MAP4K3: variants seen among roughly 807,000 people sequenced by gnomAD.
The protein encoded by MAP4K3 is MAPK/ERK kinase kinase kinase 3.
MAP4K3 carries 94 observed loss-of-function variants against 143.5 expected under a neutral mutation model. That is an observed-to-expected ratio of 0.65 (90% CI 0.55 to 0.78). The LOEUF (loss-of-function observed/expected upper bound fraction) is 0.78, where lower values mean the gene tolerates loss of function less well. Among genes scored for constraint, MAP4K3 ranks in the 30% least tolerant of loss-of-function variants. MAP4K3 has a pLI of 0.00. For synonymous variants in MAP4K3, 416 were observed against 347.2 expected, an observed-to-expected ratio of 1.20 and a Z score of -2.20; for missense variants, 1,077 against 1,068.1, an observed-to-expected ratio of 1.01 and a Z score of -0.12.
At position 39,291,485 on chromosome 2, in the gene MAP4K3, A is replaced by G. The variant is rs375198521; in HGVS notation, c.1272-1151T>C. Among the ~76,000 whole-genome samples the G allele has an allele frequency of 3.2e-4, 49 of 152,352 alleles. 1 individual carries two copies. In the East Asian group the frequency reaches 3.9e-3, roughly 12 times the overall value. ...AACTTCATTTTTGCTACTGTTAGAT[A>G]TGAAACATCTTTGATGAAGCTCATC... is the stretch of plus-strand genomic sequence containing the variant. On this transcript the variant is annotated intron_variant, in intron 18 of 33. Coordinates refer to ENST00000263881, the MANE Select transcript of MAP4K3 (RefSeq NM_003618.4).
intron 1 of MAP4K3, among the ~76,000 whole-genome samples, chr2:39,411,983 G>A (rs1185359231): frequency 6.6e-6 from 1 of 152,136 alleles, no homozygotes; most frequent in Non-Finnish European, 1.5e-5. Context: ...ATTTTACAAG[G>A]CAAGAAATGA....
intron 26 of MAP4K3, among the ~76,000 whole-genome samples, chr2:39,268,206 A>G (rs1269667589): frequency 3.9e-5 from 6 of 152,222 alleles, no homozygotes; most frequent in African/African-American, 1.4e-4. Flanking sequence ...ACTACAATTT[A>G]AAAACTACAC....
At chr2:39,370,479 C>A (rs559702730) in intron 2 of MAP4K3, among the ~76,000 whole-genome samples, 1 of 152,278 alleles carries the variant, frequency 6.6e-6, no homozygotes, top group African/African-American at 2.4e-5. Flanking sequence ...GAAAGCACCT[C>A]TACTACCTCT....
At chr2:39,321,770 A>G (rs1683315031) in intron 12 of MAP4K3, among the ~76,000 whole-genome samples, 1 of 152,236 alleles carries the variant, frequency 6.6e-6, no homozygotes, top group Admixed American at 6.5e-5. Context: ...TGCGGGCAAC[A>G]ATACTGGTTT....
intron 12 of MAP4K3, chr2:39,323,262 G>C (rs1683377247): frequency 6.6e-6 from 1 of 152,100 alleles, no homozygotes; most frequent in South Asian, 2.1e-4. Flanking sequence ...ACAATGTCTG[G>C]ATAAGAAAGA....
chr2:39,420,425 G>C lies in MAP4K3; in HGVS notation c.96+16467C>G, dbSNP rs76541785. 1.7e-3 allele frequency among the ~76,000 whole-genome samples: 264 copies of C among 151,896 alleles called. 6 individuals carry two copies. In the East Asian group the frequency reaches 0.025, roughly 14 times the overall value. On this transcript the variant is annotated intron_variant, in intron 1 of 33. Coordinates refer to ENST00000263881, the MANE Select transcript of MAP4K3 (RefSeq NM_003618.4). The stretch of plus-strand genomic sequence containing the variant: ...TGAATTCCATATTTTTTTTAATTTT[G>C]TTTTTTGTTTAGAGACAGTCTCACT...
At position 39,374,629 on chromosome 2, in the gene MAP4K3, C is replaced by G. The variant is rs199753390; in HGVS notation, c.154+3437G>C. 1.0e-3 allele frequency among the ~76,000 whole-genome samples: 159 copies of G among 152,092 alleles called. 1 individual carries two copies. In the East Asian group the frequency reaches 0.023, roughly 22 times the overall value. ...CCTGGGAGGCAGAGGTTGCAGTAAG[C>G]TGAGATCGGGCCACTGCACTCCAGC... On this transcript the variant is annotated intron_variant, in intron 2 of 33. Coordinates refer to ENST00000263881, the MANE Select transcript of MAP4K3 (RefSeq NM_003618.4).
intron 1 of MAP4K3, among the ~76,000 whole-genome samples, chr2:39,397,326 A>AT (rs1241909992): frequency 1.3e-5 from 2 of 152,208 alleles, no homozygotes; most frequent in East Asian, 3.8e-4. Flanking sequence ...AAGATCAATA[A>AT]TCTTCATATA....
At chr2:39,355,278 T>C (rs187564679) in intron 3 of MAP4K3, among the ~76,000 whole-genome samples, 2 of 149,206 alleles carry the variant, frequency 1.3e-5, no homozygotes, top group Non-Finnish European at 3.0e-5. Context: ...GGGGAATCAC[T>C]TGAACCCGGG....
At chr2:39,273,159 A>C (rs971374327) in intron 24 of MAP4K3, among the ~76,000 whole-genome samples, 2 of 152,168 alleles carry the variant, frequency 1.3e-5, no homozygotes, top group African/African-American at 4.8e-5. Flanking sequence ...AGAGCAAAGA[A>C]AAAGGAATTT....
chr2:39,369,520 ATAGAGCATACTACTC>A (rs2148569799), intron 2 of MAP4K3, among the ~76,000 whole-genome samples: 1 of 152,264 alleles, frequency 6.6e-6, no homozygotes, highest in East Asian at 1.9e-4. Flanking sequence ...CCATGCTCAC[ATAGAGCATACTACTC>A]TAGACAAATC....
intron 16 of MAP4K3, among the ~76,000 whole-genome samples, chr2:39,298,182 T>G (rs1425857227): frequency 1.3e-5 from 2 of 152,062 alleles, no homozygotes; most frequent in African/African-American, 4.8e-5. Flanking sequence ...CTTCAAAAAT[T>G]TTTTTTATTT....
chr2:39,295,192 A>T (rs1031713861), intron 16 of MAP4K3, among the ~76,000 whole-genome samples: 16 of 152,114 alleles, frequency 1.1e-4, no homozygotes, highest in Non-Finnish European at 2.2e-4. Context: ...CTTTTATGGC[A>T]ATTATTCACT....
chr2:39,428,825 C>G (rs1253870420), intron 1 of MAP4K3, among the ~76,000 whole-genome samples: 1 of 150,502 alleles, frequency 6.6e-6, no homozygotes, highest in African/African-American at 2.4e-5. Context: ...ATCCCAGCAC[C>G]TTGGGAGGCT....
At chr2:39,291,149 A>G (rs1274384283) in intron 18 of MAP4K3, among the ~76,000 whole-genome samples, 2 of 152,244 alleles carry the variant, frequency 1.3e-5, no homozygotes, top group Non-Finnish European at 2.9e-5. Context: ...TCCAACACAA[A>G]GAAATGATAA....
At chr2:39,277,374 C>A (rs1681309390) in intron 24 of MAP4K3, among the ~76,000 whole-genome samples, 1 of 152,234 alleles carries the variant, frequency 6.6e-6, no homozygotes, top group African/African-American at 2.4e-5. Flanking sequence ...CTACTCATCT[C>A]CCCACAGGAG....
At chr2:39,327,316 G>A (rs1408125830) in intron 8 of MAP4K3, among the ~76,000 whole-genome samples, 1 of 152,090 alleles carries the variant, frequency 6.6e-6, no homozygotes, top group African/African-American at 2.4e-5. Context: ...TAATGGAAAA[G>A]TTATAAAAAC....
intron 8 of MAP4K3, among the ~76,000 whole-genome samples, chr2:39,329,206 A>C (rs1007479200): frequency 7.2e-5 from 11 of 152,240 alleles, no homozygotes; most frequent in Non-Finnish European, 1.3e-4. Flanking sequence ...GTATAGAATC[A>C]AGTCAGATCC....
intron 1 of MAP4K3, among the ~76,000 whole-genome samples, chr2:39,429,921 G>A (rs894838294): frequency 1.3e-5 from 2 of 152,284 alleles, no homozygotes; most frequent in Admixed American, 6.5e-5. Context: ...ACTGTCAACT[G>A]ATTTTCATCA....
Sources: gnomAD v4.1 joint callset for allele counts (sites outside exome capture counted in the v4.1 genomes callset) on GRCh38, gnomAD v4.1.1 for gene constraint, MANE v1.5 for transcripts, NCBI Gene and HGNC (gene_info 2026-07-23, HGNC 2026-07-21) for gene names.